CDH18: variants seen among roughly 807,000 people sequenced by gnomAD.
CDH18 encodes cadherin 18.
Under a neutral mutation model 67.9 loss-of-function variants are expected in CDH18, and 31 were observed. The observed-to-expected ratio is 0.46, with a 90% CI of 0.34 to 0.62. The LOEUF (loss-of-function observed/expected upper bound fraction) is 0.62, where lower values mean the gene tolerates loss of function less well. CDH18 is among the 20% of genes least tolerant of loss of function. The pLI, the probability that CDH18 is intolerant of heterozygous loss-of-function variation, is 0.01. For synonymous variants in CDH18, 362 were observed against 347.2 expected, an observed-to-expected ratio of 1.04 and a Z score of -0.48; for missense variants, 890 against 975.5, an observed-to-expected ratio of 0.91 and a Z score of 1.17.
intron 1 of CDH18, among the ~76,000 whole-genome samples, chr5:20,526,664 G>A (rs1406515719): frequency 2.0e-5 from 3 of 152,022 alleles, no homozygotes; most frequent in Admixed American, 2.0e-4. Flanking sequence ...CAGAAAAGAG[G>A]CCTGACTGTT....
At chr5:19,828,541 A>G (rs1011054046) in intron 3 of CDH18, among the ~76,000 whole-genome samples, 8 of 152,220 alleles carry the variant, frequency 5.3e-5, no homozygotes, top group Non-Finnish European at 1.2e-4. Flanking sequence ...CTACTCCACC[A>G]TGATCAAGTA....
At chr5:19,944,401 T>C (rs1579725535) in intron 2 of CDH18, among the ~76,000 whole-genome samples, 1 of 152,132 alleles carries the variant, frequency 6.6e-6, no homozygotes, top group Non-Finnish European at 1.5e-5. Context: ...AGTGTGTATA[T>C]AATTTATTAA....
intron 2 of CDH18, among the ~76,000 whole-genome samples, chr5:20,042,520 A>G (rs1740515222): frequency 6.6e-6 from 1 of 152,208 alleles, no homozygotes; most frequent in Non-Finnish European, 1.5e-5. Context: ...CAAAAACATA[A>G]TTGGCTGGCA....
intron 3 of CDH18, among the ~76,000 whole-genome samples, chr5:19,836,295 G>A (rs1158203469): frequency 6.6e-6 from 1 of 152,138 alleles, no homozygotes; most frequent in South Asian, 2.1e-4. Context: ...CAGTGGAAAA[G>A]TGTTCCTATT....
At position 20,573,806 on chromosome 5, in the gene CDH18, AATATATAT is replaced by A. The variant is rs60858438; in HGVS notation, c.-580+1648_-580+1655del. ...TCCCCCAAATATAATACTTAAAAGA[AATATATAT>A]ATATATATATATATATATATATATA... is the stretch of plus-strand genomic sequence containing the variant. On this transcript the variant is annotated intron_variant, in intron 1 of 14. Coordinates refer to the CDH18 transcript ENST00000507958. 5.9e-4 allele frequency among the ~76,000 whole-genome samples: 70 copies of A among 119,110 alleles called. 1 individual carries two copies. The highest frequency in any genetic ancestry group is 3.0e-3 in the South Asian group (10 of 3,294). The allele number at this position is 119,110 out of a possible 152,430, so 78.1% of individuals were successfully genotyped here. A position where few individuals can be genotyped will look rare whatever the true frequency, so the allele number is the denominator to read the frequency against.
At chr5:20,210,272 C>A (rs1296428081) in intron 2 of CDH18, among the ~76,000 whole-genome samples, 1 of 151,728 alleles carries the variant, frequency 6.6e-6, no homozygotes, top group African/African-American at 2.4e-5. Context: ...TTTCATATTT[C>A]TTCTATATTC....
chr5:20,183,424 A>G (rs1043426729), intron 2 of CDH18, among the ~76,000 whole-genome samples: 1 of 152,186 alleles, frequency 6.6e-6, no homozygotes, highest in South Asian at 2.1e-4. Flanking sequence ...ATTTTAATAA[A>G]TTACACATTT....
chr5:20,000,641 C>T (rs77812942), intron 2 of CDH18, among the ~76,000 whole-genome samples: 8 of 151,916 alleles, frequency 5.3e-5, no homozygotes, highest in African/African-American at 1.4e-4. Context: ...GACTGGGAGA[C>T]AGAATTTTAT....
chr5:20,286,810 C>T (rs960935278), intron 1 of CDH18, among the ~76,000 whole-genome samples: 2 of 151,736 alleles, frequency 1.3e-5, no homozygotes, highest in Non-Finnish European at 3.0e-5. Flanking sequence ...TAAGGGGATA[C>T]TGTGTACTCC....
At chr5:20,207,525 A>C (rs2126350594) in intron 2 of CDH18, among the ~76,000 whole-genome samples, 1 of 152,210 alleles carries the variant, frequency 6.6e-6, no homozygotes, top group East Asian at 1.9e-4. Flanking sequence ...TCATGGTGGA[A>C]GGTGAAAGGC....
chr5:20,336,724 CAAAAAAAAAAAAAAAAAA>C (rs59083214), intron 1 of CDH18, among the ~76,000 whole-genome samples: 1 of 63,472 alleles, frequency 1.6e-5, no homozygotes, highest in South Asian at 7.6e-4. Flanking sequence ...GCCTCTGTCT[CAAAAAAAAAAAAAAAAAA>C]AAAAAAAAAA....
chr5:19,536,878 A>G (rs922366767), intron 9 of CDH18, among the ~76,000 whole-genome samples: 2 of 152,142 alleles, frequency 1.3e-5, no homozygotes, highest in Non-Finnish European at 2.9e-5. Flanking sequence ...GAATCTCAGA[A>G]TCTCAGATGA....
At chr5:19,813,072 T>C (rs904960268) in intron 3 of CDH18, among the ~76,000 whole-genome samples, 3 of 151,930 alleles carry the variant, frequency 2.0e-5, no homozygotes, top group Non-Finnish European at 2.9e-5. Flanking sequence ...TTCCCACTCA[T>C]AAGTGGGAAT....
chr5:19,941,897 T>C (rs1408525944), intron 2 of CDH18, among the ~76,000 whole-genome samples: 3 of 152,150 alleles, frequency 2.0e-5, no homozygotes, highest in Admixed American at 6.6e-5. Flanking sequence ...TAAATGAAGC[T>C]AGTTGAAAAA....
At chr5:19,760,185 T>C (rs1772149423) in intron 3 of CDH18, among the ~76,000 whole-genome samples, 3 of 152,174 alleles carry the variant, frequency 2.0e-5, no homozygotes, top group African/African-American at 7.2e-5. Context: ...ATTCCCATTG[T>C]ATTTAAATTT....
At chr5:20,570,760 C>A (rs1189321714) in intron 1 of CDH18, among the ~76,000 whole-genome samples, 1 of 151,954 alleles carries the variant, frequency 6.6e-6, no homozygotes, top group Non-Finnish European at 1.5e-5. Context: ...ACAGATGGAC[C>A]CATCTGAAGT....
At chr5:20,424,338 C>T (rs1283614256) in intron 1 of CDH18, among the ~76,000 whole-genome samples, 1 of 150,790 alleles carries the variant, frequency 6.6e-6, no homozygotes, top group African/African-American at 2.5e-5. Flanking sequence ...TTTCCAACAG[C>T]ACCATCATAT....
At chr5:20,039,706 T>C (rs988773394) in intron 2 of CDH18, among the ~76,000 whole-genome samples, 1 of 152,126 alleles carries the variant, frequency 6.6e-6, no homozygotes, top group African/African-American at 2.4e-5. Context: ...TCAAGATGGA[T>C]TAAAGACTTA....
At chr5:20,001,651 T>A (rs946880956) in intron 2 of CDH18, among the ~76,000 whole-genome samples, 1 of 152,136 alleles carries the variant, frequency 6.6e-6, no homozygotes, top group Non-Finnish European at 1.5e-5. Flanking sequence ...ATGCCTTATG[T>A]CATTATTCTT....
Sources: allele counts gnomAD v4.1 joint callset (sites outside exome capture counted in the v4.1 genomes callset), GRCh38; gene constraint gnomAD v4.1.1; transcripts MANE v1.5; gene names NCBI Gene and HGNC (gene_info 2026-07-23, HGNC 2026-07-21).